KCNMA1: variants seen among roughly 807,000 people sequenced by gnomAD.
KCNMA1 encodes potassium calcium-activated channel subfamily M alpha 1, also known as Calcium-activated potassium channel subunit alpha-1.
In KCNMA1, 29 loss-of-function variants were observed where a neutral mutation model predicts 140.0. That is an observed-to-expected ratio of 0.21 (90% confidence interval 0.15 to 0.28). The LOEUF (loss-of-function observed/expected upper bound fraction) is 0.28. KCNMA1 is among the 10% of genes least tolerant of loss of function. The probability of loss-of-function intolerance (pLI) is 1.00; values close to 1 mark genes in which losing one functional copy is unlikely to be tolerated. For synonymous variants in KCNMA1, 612 were observed against 611.9 expected, an observed-to-expected ratio of 1.00 and a Z score of 0.00; for missense variants, 880 against 1,602.2, an observed-to-expected ratio of 0.55 and a Z score of 7.70.
chr10:77,578,778 G>C (rs189794923), intron 1 of KCNMA1, among the ~76,000 whole-genome samples: 7 of 152,286 alleles, frequency 4.6e-5, no homozygotes, highest in African/African-American at 1.7e-4. Flanking sequence ...CCTAGCCACT[G>C]GCCAGGGCAC....
chr10:77,349,661 C>T (rs1056768121), intron 2 of KCNMA1, among the ~76,000 whole-genome samples: 1 of 152,104 alleles, frequency 6.6e-6, no homozygotes, highest in Non-Finnish European at 1.5e-5. Flanking sequence ...ATCAGAAAAT[C>T]ATTAGCCAAG....
downstream of KCNMA1, among the ~76,000 whole-genome samples, chr10:76,882,755 G>A (rs559433407): frequency 5.3e-4 from 80 of 152,032 alleles, no homozygotes; most frequent in Non-Finnish European, 7.1e-4. Flanking sequence ...AATCCCTTTC[G>A]GATAATCCCT....
At chr10:77,278,705 A>G (rs1476736268) in intron 2 of KCNMA1, among the ~76,000 whole-genome samples, 1 of 152,246 alleles carries the variant, frequency 6.6e-6, no homozygotes, top group Non-Finnish European at 1.5e-5. Flanking sequence ...GTATGGTAAA[A>G]GTGAAGAATC....
At chr10:77,135,165 A>G (rs1315216484) in intron 5 of KCNMA1, among the ~76,000 whole-genome samples, 1 of 152,122 alleles carries the variant, frequency 6.6e-6, no homozygotes, top group Non-Finnish European at 1.5e-5. Context: ...AAATAGCCCA[A>G]TTAAGAAATG....
At chr10:77,286,733 CA>C (rs2071002924) in intron 2 of KCNMA1, among the ~76,000 whole-genome samples, 1 of 138,484 alleles carries the variant, frequency 7.2e-6, no homozygotes, top group African/African-American at 2.7e-5. Flanking sequence ...TAAGTCTTTG[CA>C]AATTTGACTA....
At chr10:77,377,081 C>A (rs138960666) in intron 2 of KCNMA1, among the ~76,000 whole-genome samples, 1 of 152,112 alleles carries the variant, frequency 6.6e-6, no homozygotes, top group Non-Finnish European at 1.5e-5. Flanking sequence ...GAAGAGCCTG[C>A]GCCTAGGTGA....
intron 1 of KCNMA1, among the ~76,000 whole-genome samples, chr10:77,576,611 A>G (rs2074204337): frequency 2.0e-5 from 3 of 152,198 alleles, no homozygotes; most frequent in African/African-American, 2.4e-5. Context: ...CTGGGGCACA[A>G]TGACAGAAAC....
downstream of KCNMA1, chr10:76,874,956 T>C (rs1232503058): frequency 4.6e-5 from 7 of 152,204 alleles, no homozygotes; most frequent in Non-Finnish European, 1.5e-5. Context: ...AGCCCTAAAC[T>C]GGGATAGGAA....
intron 1 of KCNMA1, among the ~76,000 whole-genome samples, chr10:77,576,376 C>T (rs118134057): frequency 0.019 from 2,875 of 152,300 alleles, 38 homozygotes; most frequent in Non-Finnish European, 0.026. Flanking sequence ...CCCACCTCTA[C>T]CTCTTAGCCT....
intron 1 of KCNMA1, among the ~76,000 whole-genome samples, chr10:77,477,432 T>C (rs898119343): frequency 6.6e-6 from 1 of 152,238 alleles, no homozygotes; most frequent in African/African-American, 2.4e-5. Context: ...TTTTCTCATA[T>C]GCTGTGGCTC....
intron 19 of KCNMA1, among the ~76,000 whole-genome samples, chr10:76,981,492 G>C (rs78871592): frequency 0.018 from 2,704 of 152,250 alleles, 77 homozygotes; most frequent in East Asian, 0.095. Flanking sequence ...CTGATTGTGA[G>C]GGCCTCTTTT....
chr10:77,626,023 A>ATT (rs5786299), intron 1 of KCNMA1, among the ~76,000 whole-genome samples: 1 of 147,572 alleles, frequency 6.8e-6, no homozygotes, highest in African/African-American at 2.5e-5. Flanking sequence ...GTGATTTTCT[A>ATT]TTTTTTTTTT....
At chr10:77,499,403 G>GTATATATATATATATATATATATA (rs71028280) in intron 1 of KCNMA1, among the ~76,000 whole-genome samples, 39 of 142,486 alleles carry the variant, frequency 2.7e-4, no homozygotes, top group African/African-American at 1.0e-3. Context: ...CAGTAGGCAT[G>GTATATATATATATATATATATATA]TATATATATA....
At chr10:77,354,864 C>A (rs1045688460) in intron 2 of KCNMA1, among the ~76,000 whole-genome samples, 19 of 152,116 alleles carry the variant, frequency 1.2e-4, no homozygotes, top group Admixed American at 1.2e-3. Context: ...ACCTTTACTG[C>A]CCAAAAAAGA....
chr10:77,495,882 C>T (rs1194861079), intron 1 of KCNMA1, among the ~76,000 whole-genome samples: 1 of 152,194 alleles, frequency 6.6e-6, no homozygotes, highest in African/African-American at 2.4e-5. Context: ...CCACCAGTAC[C>T]CCCGCGGTTC....
chr10:76,949,343 G>A lies in KCNMA1; in HGVS notation c.2508C>T (p.Thr836=), dbSNP rs145100005. The change falls in exon 22 of 28, where the codon ACC becomes ACT. Residue 836 remains threonine (T), a synonymous_variant. Transcript: ENST00000286628. ...VILTRSEAAM[T]VLSGHVVVCI... is the part of the protein sequence containing the mutation. ...AGACCACGACATGGCCACTCAGGAC[G>A]GTCATGGCAGCTTCACTTCGAGTCT... The A allele has an allele frequency of 3.4e-5, 55 of 1,613,876 alleles. No homozygotes were observed. Among genetic ancestry groups the A allele is most frequent in the Admixed American group, 2.2e-4 (13 of 59,992 alleles).
At chr10:77,285,556 T>C (rs2070497849) in intron 2 of KCNMA1, among the ~76,000 whole-genome samples, 1 of 152,230 alleles carries the variant, frequency 6.6e-6, no homozygotes, top group Admixed American at 6.5e-5. Context: ...TCATTAAGTT[T>C]AGGATGGTGT....
chr10:76,908,835 T>C (rs1463177656), intron 25 of KCNMA1, among the ~76,000 whole-genome samples: 1 of 152,210 alleles, frequency 6.6e-6, no homozygotes, highest in African/African-American at 2.4e-5. Flanking sequence ...ATTTTCTACA[T>C]AATAAATAAA....
intron 1 of KCNMA1, among the ~76,000 whole-genome samples, chr10:77,599,310 C>T (rs1379648880): frequency 2.0e-5 from 3 of 152,136 alleles, no homozygotes; most frequent in African/African-American, 7.2e-5. Flanking sequence ...AATATCTGAC[C>T]TTTGGCCACC....
Sources: allele counts gnomAD v4.1 joint callset (sites outside exome capture counted in the v4.1 genomes callset), GRCh38; gene constraint gnomAD v4.1.1; transcripts MANE v1.5; gene names NCBI Gene and HGNC (gene_info 2026-07-23, HGNC 2026-07-21).